The following CD9 variants were observed in gnomAD, a reference collection of about 807,000 sequenced individuals.
CD9 encodes the protein CD9 antigen.
CD9 carries 10 observed loss-of-function variants against 31.4 expected under a neutral mutation model. That is an observed-to-expected ratio of 0.32 (90% CI 0.20 to 0.54). The LOEUF (loss-of-function observed/expected upper bound fraction) is 0.54, where lower values mean the gene tolerates loss of function less well. Ranked by LOEUF, CD9 falls within the 20% of genes least tolerant of loss-of-function variation. The pLI is 0.94. For missense variants in CD9, 259 were observed against 300.1 expected (o/e 0.86, Z 1.01); for synonymous variants, 113 against 114.1 (o/e 0.99, Z 0.06).
Position 6,217,109 on chromosome 12 carries a change from A to G in CD9, c.67-8317A>G, listed in dbSNP as rs559806283. On this transcript the variant is annotated intron_variant, in intron 1 of 7. Coordinates refer to ENST00000009180, the MANE Select transcript of CD9 (RefSeq NM_001769.4). ...CAGAGAGCTCCTAGGTAGCAGTGCC[A>G]GAATTAGAGCCCAAGTTTATATCCA... is the stretch of plus-strand genomic sequence containing the variant. Among the ~76,000 whole-genome samples the G allele has an allele frequency of 7.9e-5, 12 of 152,322 alleles. No individual in the cohort carries two copies. The South Asian group carries it at 2.5e-3, about 32-fold the overall frequency.
chr12:6,227,954 C>G (rs1329011329), intron 2 of CD9, among the ~76,000 whole-genome samples: 1 of 152,190 alleles, frequency 6.6e-6, no homozygotes, highest in Non-Finnish European at 1.5e-5. Context: ...TGGGGCTCAC[C>G]TCTGGGAACC....
At chr12:6,233,184 C>CA in intron 3 of CD9, 1 of 643,850 alleles carries the variant, frequency 1.6e-6, no homozygotes, top group Admixed American at 2.4e-5. Flanking sequence ...CAGCTGTGCT[C>CA]AGCTCTTTCC....
At chr12:6,222,547 TC>T (rs1946305138) in intron 1 of CD9, among the ~76,000 whole-genome samples, 1 of 152,202 alleles carries the variant, frequency 6.6e-6, no homozygotes, top group Admixed American at 6.5e-5. Flanking sequence ...TGCGGGGGAC[TC>T]CCGACTCCGG....
chr12:6,232,156 C>T lies in CD9; in HGVS notation c.176-476C>T, dbSNP rs953085604. 1.6e-5 allele frequency: 3 copies of T among 182,536 alleles called. No individual in the cohort carries two copies. The highest frequency in any genetic ancestry group is 7.2e-5 in the African/African-American group (3 of 41,642). The allele number at this position is 182,536 out of a possible 1,614,324, so 11.3% of individuals were successfully genotyped here. A position where few individuals can be genotyped will look rare whatever the true frequency, so the allele number is the denominator to read the frequency against. On this transcript the variant is annotated intron_variant, in intron 2 of 7. Coordinates refer to ENST00000009180, the MANE Select transcript of CD9 (RefSeq NM_001769.4). This position sits in a 1 kb window ranked among gnomAD's most constrained non-coding sequence, Gnocchi z 4.8. ...CCCCCACCCCTGGGTAGGGGGGTGC[C>T]TAGGTGTGCACGGCCCCTTCCTGCT...
chr12:6,230,288 C>G (rs1005285265), intron 2 of CD9, among the ~76,000 whole-genome samples: 4 of 152,220 alleles, frequency 2.6e-5, no homozygotes, highest in Non-Finnish European at 4.4e-5. Context: ...ACCCGTGATC[C>G]TAAAATCTTC....
intron 1 of CD9, among the ~76,000 whole-genome samples, chr12:6,214,945 C>T (rs1247974626): frequency 1.3e-5 from 2 of 152,186 alleles, no homozygotes; most frequent in East Asian, 3.9e-4. Context: ...CTTCCTGGCT[C>T]AGTGGGTTCA....
rs370989547 is a variant in CD9, at chr12:6,232,632, G to A, written c.176G>A (p.Gly59Glu). 6.4e-7 allele frequency: 1 copy of A among 1,564,834 alleles called. No homozygotes were observed. The highest frequency in any genetic ancestry group is 1.4e-5 in the African/African-American group (1 of 73,926). The change falls in exon 3 of 8, where the codon GGA becomes GAA. Residue 59 changes from glycine to glutamate, a missense_variant and splice_region_variant. Gly to Glu is a moderately conservative substitution (Grantham distance 98, BLOSUM62 -2). Coordinates refer to ENST00000009180, the MANE Select transcript of CD9 (RefSeq NM_001769.4). The surrounding 1 kb of genome is among the most constrained non-coding windows in gnomAD (Gnocchi z 4.8). ...TNNNNSSFYT[G>E]VYILIGAGAL... ...GTGTGCTTCCTCTGTCCTCCCGCAG[G>A]AGTCTATATTCTGATCGGAGCCGGC...
chr12:6,214,791 C>G (rs914815859), intron 1 of CD9, among the ~76,000 whole-genome samples: 2 of 152,204 alleles, frequency 1.3e-5, no homozygotes, highest in African/African-American at 4.8e-5. Flanking sequence ...CAGGAGTGCC[C>G]TGCTGCAGGT....
chr12:6,229,232 A>G (rs901858669), intron 2 of CD9, among the ~76,000 whole-genome samples: 1 of 152,176 alleles, frequency 6.6e-6, no homozygotes, highest in South Asian at 2.1e-4. Flanking sequence ...GGCTCCAGCC[A>G]GAGGCCGTGA....
At chr12:6,215,818 T>G (rs999855645) in intron 1 of CD9, among the ~76,000 whole-genome samples, 5 of 152,354 alleles carry the variant, frequency 3.3e-5, no homozygotes, top group African/African-American at 1.2e-4. Context: ...CATGAGCTAT[T>G]ACAGTAGTTT....
At chr12:6,211,453 A>C (rs1297923519) in intron 1 of CD9, among the ~76,000 whole-genome samples, 1 of 152,152 alleles carries the variant, frequency 6.6e-6, no homozygotes, top group East Asian at 1.9e-4. Flanking sequence ...GCGGTGCCGG[A>C]AGTGCTTTTA....
intron 1 of CD9, among the ~76,000 whole-genome samples, chr12:6,220,204 A>G (rs866717742): frequency 6.6e-6 from 1 of 152,194 alleles, no homozygotes; most frequent in African/African-American, 2.4e-5. Context: ...TGGGTGGGGA[A>G]GCAGCAGGCT....
At chr12:6,234,483 A>C (rs1391087459) in intron 4 of CD9, 5 of 152,166 alleles carry the variant, frequency 3.3e-5, no homozygotes, top group South Asian at 2.1e-4. Context: ...AAAAAAAAAA[A>C]AAACATGTCT....
chr12:6,213,697 A>G (rs1946215180), intron 1 of CD9, among the ~76,000 whole-genome samples: 1 of 152,114 alleles, frequency 6.6e-6, no homozygotes, highest in Admixed American at 6.6e-5. Context: ...CACGGTCACC[A>G]TTGCTTGTGT....
chr12:6,224,679 C>T lies in CD9; in HGVS notation c.67-747C>T, dbSNP rs144193888. ...CACTGGAGGCCTGTGAGTCACTCCC[C>T]CGGCAAGCCCTGGTACGGGTGACGA... On this transcript the variant is annotated intron_variant, in intron 1 of 7. Coordinates refer to ENST00000009180, the MANE Select transcript of CD9 (RefSeq NM_001769.4). Among the ~76,000 whole-genome samples the T allele has an allele frequency of 6.9e-4, 105 of 152,294 alleles. 1 individual carries two copies. Among genetic ancestry groups the T allele is most frequent in the Middle Eastern group, 3.4e-3 (1 of 294 alleles).
In CD9 at chr12:6,221,368, G is replaced by A. The variant is rs7972300; in HGVS notation, c.67-4058G>A. On this transcript the variant is annotated intron_variant, in intron 1 of 7. Coordinates refer to ENST00000009180, the MANE Select transcript of CD9 (RefSeq NM_001769.4). ...CCCGCATCCCCGCCCGACCAGCTGG[G>A]CATACTACAGGTTGCCATCCTCTCT... 2.5e-3 allele frequency among the ~76,000 whole-genome samples: 375 copies of A among 152,282 alleles called. 3 individuals carry two copies. Among genetic ancestry groups the A allele is most frequent in the African/African-American group, 8.2e-3 (340 of 41,556 alleles).
chr12:6,233,102 T>C, intron 3 of CD9: 1 of 700,926 alleles, frequency 1.4e-6, no homozygotes, highest in Non-Finnish European at 2.6e-6. Context: ...AAATCTCTTG[T>C]CTTTTGTGAA....
chr12:6,219,557 C>T (rs1226457959), intron 1 of CD9, among the ~76,000 whole-genome samples: 1 of 151,736 alleles, frequency 6.6e-6, no homozygotes, highest in Non-Finnish European at 1.5e-5. Context: ...GTGATCTCGG[C>T]TCACTGCAAG....
At chr12:6,211,258 G>A (rs1243397478) in intron 1 of CD9, among the ~76,000 whole-genome samples, 1 of 152,208 alleles carries the variant, frequency 6.6e-6, no homozygotes, top group East Asian at 1.9e-4. Context: ...TGGGGTTGTG[G>A]AACATAGATA....
Sources: allele counts gnomAD v4.1 joint callset (sites outside exome capture counted in the v4.1 genomes callset), GRCh38; gene constraint gnomAD v4.1.1; non-coding constraint Gnocchi (gnomAD v3.1); transcripts MANE v1.5; gene names NCBI Gene and HGNC (gene_info 2026-07-23, HGNC 2026-07-21).